FAM193B: variants seen among roughly 807,000 people sequenced by gnomAD.
The protein encoded by FAM193B is protein FAM193B.
Under a neutral mutation model 70.7 loss-of-function variants are expected in FAM193B, and 27 were observed. The observed-to-expected ratio is 0.38, with a 90% CI of 0.28 to 0.53. The LOEUF is 0.53. FAM193B is among the 20% of genes least tolerant of loss of function. FAM193B has a pLI of 0.81. For missense variants in FAM193B, 1,022 were observed against 1,072.5 expected (o/e 0.95, Z 0.66); for synonymous variants, 448 against 436.0 (o/e 1.03, Z -0.34).
chr5:177,528,536 A>AG (rs1451528013), intron 5 of FAM193B, among the ~76,000 whole-genome samples: 1 of 152,216 alleles, frequency 6.6e-6, no homozygotes, highest in Non-Finnish European at 1.5e-5. Flanking sequence ...TGAGGGGTCA[A>AG]GAAAGTACCG....
At chr5:177,523,908 C>T in intron 7 of FAM193B, 49 bp downstream of exon 7, 1 of 1,589,970 alleles carries the variant, frequency 6.3e-7, no homozygotes, top group Middle Eastern at 1.7e-4. Context: ...TGAGTGTGGG[C>T]AGGACCTGGA....
intron 4 of FAM193B, among the ~76,000 whole-genome samples, chr5:177,533,742 A>G (rs1182746606): frequency 1.3e-5 from 2 of 152,228 alleles, no homozygotes; most frequent in African/African-American, 4.8e-5. Context: ...ATGCAAACAG[A>G]CAGTGACAAT....
At chr5:177,533,703 T>C (rs1019395859) in intron 4 of FAM193B, among the ~76,000 whole-genome samples, 28 of 152,178 alleles carry the variant, frequency 1.8e-4, no homozygotes, top group East Asian at 1.7e-3. Flanking sequence ...ACTTGACTGC[T>C]TTGCCCAACA....
intron 5 of FAM193B, among the ~76,000 whole-genome samples, chr5:177,528,705 G>C (rs988986921): frequency 6.6e-6 from 1 of 152,178 alleles, no homozygotes; most frequent in African/African-American, 2.4e-5. Context: ...GTGTGGGCTC[G>C]GAAGGCCTAG....
chr5:177,523,575 A>C (rs1209479700), intron 7 of FAM193B, among the ~76,000 whole-genome samples: 1 of 151,512 alleles, frequency 6.6e-6, no homozygotes, highest in Non-Finnish European at 1.5e-5. Flanking sequence ...ATCCTCCCCA[A>C]CTCTATGCCA....
Position 177,524,823 on chromosome 5 carries a change from G to C in FAM193B, c.1658C>G (p.Pro553Arg). 1.3e-6 allele frequency: 2 copies of C among 1,511,252 alleles called. No homozygotes were observed. The highest frequency in any genetic ancestry group is 1.8e-6 in the Non-Finnish European group (2 of 1,132,474). The allele number at this position is 1,511,252 out of a possible 1,614,324, so 93.6% of individuals were successfully genotyped here. A position where few individuals can be genotyped will look rare whatever the true frequency, so the allele number is the denominator to read the frequency against. The change falls in exon 6 of 9, where the codon CCA becomes CGA. Residue 553 changes from proline (P) to arginine (R), a missense_variant. Pro to Arg is a moderately radical substitution (Grantham distance 103). Coordinates refer to ENST00000514747, the MANE Select transcript of FAM193B (RefSeq NM_001190946.3). ...TCTCATTTCTGCCCATGGTGGGGCT[G>C]GCTCGCCTGGAGCTTGTAACGTGTG... ...QNHTLQAPGE[P>R]APPWAEMRGP...
At chr5:177,526,915 G>A (rs912388762) in intron 5 of FAM193B, among the ~76,000 whole-genome samples, 1 of 152,202 alleles carries the variant, frequency 6.6e-6, no homozygotes, top group Non-Finnish European at 1.5e-5. Flanking sequence ...TCTCTGCCTC[G>A]CTGACTTCAG....
At chr5:177,544,712 T>C (rs959014987) in intron 1 of FAM193B, among the ~76,000 whole-genome samples, 1 of 152,248 alleles carries the variant, frequency 6.6e-6, no homozygotes, top group Non-Finnish European at 1.5e-5. Flanking sequence ...GGAAAACATT[T>C]GGAAGATGTG....
At chr5:177,528,474 C>T (rs535742459) in intron 5 of FAM193B, among the ~76,000 whole-genome samples, 11 of 152,138 alleles carry the variant, frequency 7.2e-5, no homozygotes, top group Admixed American at 1.3e-4. Context: ...GAAATGTGGA[C>T]GGGAACAGCA....
rs1310769028 is a variant in FAM193B, at chr5:177,532,493, C to A, written c.1225G>T (p.Asp409Tyr). 6.2e-7 allele frequency: 1 copy of A among 1,611,888 alleles called. No individual in the cohort carries two copies. The highest frequency in any genetic ancestry group is 1.7e-5 in the Admixed American group (1 of 59,726). The change falls in exon 5 of 9, where the codon GAT becomes TAT. Residue 409 changes from aspartate (D) to tyrosine (Y), a missense_variant. Physicochemically the swap from Asp to Tyr is radical, Grantham distance 160. Transcript: ENST00000514747. The surrounding 1 kb of genome is among the most constrained non-coding windows in gnomAD (Gnocchi z 4.9). ...SCTSSSTHQR[D>Y]GKFCDCCYCE... ...TAGCAGCAGTCACAGAACTTCCCATCTCTCTGGTGGGTGGAGGATGAGGTG... is the reference window on the plus strand; with the variant it reads ...TAGCAGCAGTCACAGAACTTCCCATATCTCTGGTGGGTGGAGGATGAGGTG...
rs1382558890 is a variant in FAM193B at position 177,554,195 on chromosome 5, G to A, written c.210+54C>T. 8.1e-6 allele frequency: 12 copies of A among 1,473,354 alleles called. No individual in the cohort carries two copies. The East Asian group carries it at 2.9e-4, about 35-fold the overall frequency. The allele number at this position is 1,473,354 out of a possible 1,614,324, so 91.3% of individuals were successfully genotyped here. A position where few individuals can be genotyped will look rare whatever the true frequency, so the allele number is the denominator to read the frequency against. ...CCAACCCCGCCCCACTCCCGCTCCC[G>A]CTCGGGGAAGGTGAAAGCGCCCGAG... On this transcript the variant is annotated intron_variant, in intron 1 of 8. Transcript: ENST00000514747.
intron 5 of FAM193B, among the ~76,000 whole-genome samples, chr5:177,527,804 C>T (rs1306441444): frequency 2.0e-5 from 3 of 152,190 alleles, no homozygotes; most frequent in Admixed American, 2.0e-4. Context: ...CCGGCTCAGG[C>T]AACAGGGTGG....
At chr5:177,553,501 C>T in intron 1 of FAM193B, 1 of 1,124,030 alleles carries the variant, frequency 8.9e-7, no homozygotes, top group South Asian at 1.9e-5. Flanking sequence ...GGGTACCTCC[C>T]GTTATCTCCT....
rs1188895849 is a variant in FAM193B, at chr5:177,532,760, A to T, written c.1077-119T>A. ...ACTTGCCCCACTCCACAGAGGTCCC[A>T]GGTGGTCCAACTACATTGCACCTCT... On this transcript the variant is annotated intron_variant, in intron 4 of 8. Transcript: ENST00000514747. The surrounding 1 kb of genome is among the most constrained non-coding windows in gnomAD (Gnocchi z 4.9). The T allele has an allele frequency of 1.0e-6, 1 of 952,508 alleles. No individual in the cohort carries two copies. Among genetic ancestry groups the T allele is most frequent in the African/African-American group, 1.7e-5 (1 of 59,444 alleles). 59.0% of individuals were successfully genotyped at this position (952,508 alleles called of 1,614,324 possible).
chr5:177,550,616 G>C (rs1766086482), intron 1 of FAM193B, among the ~76,000 whole-genome samples: 1 of 152,152 alleles, frequency 6.6e-6, no homozygotes, highest in Non-Finnish European at 1.5e-5. Context: ...CTCACCAACT[G>C]CTGGCTTACA....
intron 1 of FAM193B, among the ~76,000 whole-genome samples, chr5:177,545,866 C>T (rs1443798702): frequency 6.6e-6 from 1 of 152,106 alleles, no homozygotes; most frequent in Non-Finnish European, 1.5e-5. Flanking sequence ...TATGTTCGTA[C>T]AGGATTGCCC....
chr5:177,536,879 C>T, intron 3 of FAM193B, 134 bp from the exon 4 acceptor site: 1 of 1,228,658 alleles, frequency 8.1e-7, no homozygotes, highest in Non-Finnish European at 1.1e-6. Context: ...GACCCTGGAG[C>T]TGCAGAAGAT....
At chr5:177,521,663 G>A (rs1761761067) in intron 8 of FAM193B, among the ~76,000 whole-genome samples, 1 of 152,226 alleles carries the variant, frequency 6.6e-6, no homozygotes, top group African/African-American at 2.4e-5. Flanking sequence ...AAATCAGCTG[G>A]TTAAGACCCT....
At position 177,525,085 on chromosome 5, in the gene FAM193B, G is replaced by A. The variant is rs1051319121; in HGVS notation, c.1396C>T (p.Arg466Trp). Residue 466 changes from arginine to tryptophan, a missense_variant, in exon 6 of 9, where the codon CGG becomes TGG. Coordinates refer to ENST00000514747, the MANE Select transcript of FAM193B (RefSeq NM_001190946.3). ...CGGCTGCTCAGGAAGCTGTTGACCC[G>A]ATCCAGTTCCCGGTCGGGCCACTCC... ...LLEWPDRELD[R>W]VNSFLSSRLQ... 7 of 1,594,564 alleles carry A rather than the reference G, an allele frequency of 4.4e-6. No homozygotes were observed. Among genetic ancestry groups the A allele is most frequent in the East Asian group, 2.3e-5 (1 of 43,538 alleles).
Sources: gnomAD v4.1 joint callset for allele counts (sites outside exome capture counted in the v4.1 genomes callset) on GRCh38, gnomAD v4.1.1 for gene constraint, Gnocchi (gnomAD v3.1) non-coding constraint, MANE v1.5 for transcripts, NCBI Gene and HGNC (gene_info 2026-07-23, HGNC 2026-07-21) for gene names.